Variants in ELP4 observed in about 807,000 individuals in gnomAD.
ELP4 encodes the protein elongator acetyltransferase complex subunit 4, also known as elongator complex protein 4.
ELP4 carries 51 observed loss-of-function variants against 48.9 expected under a neutral mutation model. That is an observed-to-expected ratio of 1.04 (90% CI 0.83 to 1.32). The LOEUF (loss-of-function observed/expected upper bound fraction) is 1.32. Ranked by LOEUF, ELP4 falls within the 40% of genes most tolerant of loss-of-function variation. ELP4 has a pLI of 0.00. For missense variants in ELP4, 519 were observed against 514.6 expected, an observed-to-expected ratio of 1.01 and a Z score of -0.08; for synonymous variants, 210 against 189.2, an observed-to-expected ratio of 1.11 and a Z score of -0.90.
At chr11:31,587,905 A>G (rs1297805414) in intron 3 of ELP4, among the ~76,000 whole-genome samples, 2 of 152,104 alleles carry the variant, frequency 1.3e-5, no homozygotes, top group African/African-American at 2.4e-5. Flanking sequence ...TTCATGTTTT[A>G]TGTATGCACA....
chr11:31,580,417 G>A (rs1369898770), intron 3 of ELP4, among the ~76,000 whole-genome samples: 1 of 152,016 alleles, frequency 6.6e-6, no homozygotes, highest in Non-Finnish European at 1.5e-5. Flanking sequence ...GTTTGGGGTT[G>A]GTGGGTATAC....
chr11:31,523,039 A>T (rs1272192763), intron 2 of ELP4, among the ~76,000 whole-genome samples: 6 of 145,328 alleles, frequency 4.1e-5, no homozygotes, highest in South Asian at 4.4e-4. Flanking sequence ...TTATTTATTA[A>T]TTTTTTTTTT....
chr11:31,754,125 T>A (rs770157863), intron 9 of ELP4, among the ~76,000 whole-genome samples: 24 of 152,178 alleles, frequency 1.6e-4, no homozygotes, highest in Admixed American at 9.2e-4. Context: ...ATTGTGAGCC[T>A]AATCCCCATC....
chr11:31,637,345 G>A (rs1244736345), intron 7 of ELP4: 1 of 151,802 alleles, frequency 6.6e-6, no homozygotes, highest in Non-Finnish European at 1.5e-5. Context: ...TCAAAACTCT[G>A]TTGTTGAATG....
chr11:31,534,647 A>G (rs987728181), intron 2 of ELP4, among the ~76,000 whole-genome samples: 1 of 152,228 alleles, frequency 6.6e-6, no homozygotes, highest in Non-Finnish European at 1.5e-5. Flanking sequence ...AAGTACTGAA[A>G]GGAAATAGAG....
chr11:31,542,892 T>G lies in ELP4; in HGVS notation c.381+3109T>G, dbSNP rs189536866. 3.4e-3 allele frequency among the ~76,000 whole-genome samples: 520 copies of G among 152,320 alleles called. 1 individual carries two copies. Among genetic ancestry groups the G allele is most frequent in the Non-Finnish European group, 4.7e-3 (318 of 68,030 alleles). The stretch of plus-strand genomic sequence containing the variant: ...AACATAAGTTTTATTACAAGTATAT[T>G]ATAAATATTCAGTAAGCTAGAAGGA... On this transcript the variant is annotated intron_variant, in intron 3 of 9. Transcript: ENST00000640961.
rs1947384590 is a variant in ELP4, at chr11:31,738,924, G to GA, written c.1144-44465dup. 7.9e-5 allele frequency among the ~76,000 whole-genome samples: 12 copies of GA among 152,238 alleles called. No individual in the cohort carries two copies. The South Asian group carries it at 2.5e-3, about 32-fold the overall frequency. On this transcript the variant is annotated intron_variant, in intron 9 of 9. Transcript: ENST00000640961. Reference sequence around the variant, plus strand: ...GTGGTAGCCAGAGACTGAAAGGAGGGAAAATGAGGCGTTGCTGTTCAATGA... The same window carrying GA: ...GTGGTAGCCAGAGACTGAAAGGAGGGAAAAATGAGGCGTTGCTGTTCAATGA...
At chr11:31,762,368 G>A (rs954201172) in intron 9 of ELP4, among the ~76,000 whole-genome samples, 6 of 152,002 alleles carry the variant, frequency 3.9e-5, no homozygotes, top group African/African-American at 1.4e-4. Flanking sequence ...CAGGACCAGT[G>A]AACTTTTTAT....
intron 3 of ELP4, among the ~76,000 whole-genome samples, chr11:31,584,561 T>A (rs1957443418): frequency 2.0e-5 from 3 of 152,114 alleles, no homozygotes; most frequent in Admixed American, 2.0e-4. Context: ...ACACTTTTGC[T>A]TTTGTTGCCC....
At chr11:31,689,979 G>A (rs1422531528) in intron 9 of ELP4, among the ~76,000 whole-genome samples, 2 of 152,136 alleles carry the variant, frequency 1.3e-5, no homozygotes, top group Non-Finnish European at 2.9e-5. Context: ...GGAAATGTTG[G>A]TGGTCTGTGA....
chr11:31,642,636 A>G (rs982463150), intron 7 of ELP4, among the ~76,000 whole-genome samples: 1 of 151,870 alleles, frequency 6.6e-6, no homozygotes, highest in Non-Finnish European at 1.5e-5. Flanking sequence ...AATTTACAGA[A>G]GTTCCTCTGT....
intron 1 of ELP4, among the ~76,000 whole-genome samples, chr11:31,518,352 C>T (rs900806632): frequency 2.4e-4 from 37 of 151,978 alleles, no homozygotes; most frequent in African/African-American, 8.0e-4. Flanking sequence ...GTGATCCGCC[C>T]GCCTCAGCCT....
In ELP4 at chr11:31,786,249, A is replaced by T. The variant is rs754228015; in HGVS notation, c.*2725A>T. 4.8e-6 allele frequency: 1 copy of T among 209,472 alleles called. No homozygotes were observed. The highest frequency in any genetic ancestry group is 9.7e-6 in the Non-Finnish European group (1 of 103,068). 13.0% of individuals were successfully genotyped at this position (209,472 alleles called of 1,614,324 possible). A position where few individuals can be genotyped will look rare whatever the true frequency, so the allele number is the denominator to read the frequency against. ...ACAAATCAGACACACATAGGCATAC[A>T]AAAGGAGAGTGGGGGGACCCCCCTA... On this transcript the variant is annotated 3_prime_UTR_variant, in exon 10 of 10. Transcript: ENST00000640961.
chr11:31,760,247 A>G (rs1471616478), intron 9 of ELP4, among the ~76,000 whole-genome samples: 1 of 152,204 alleles, frequency 6.6e-6, no homozygotes, highest in Non-Finnish European at 1.5e-5. Context: ...TTGACTAAGC[A>G]GTATCTCATT....
intron 9 of ELP4, among the ~76,000 whole-genome samples, chr11:31,684,579 G>T (rs1946124281): frequency 6.6e-6 from 1 of 152,132 alleles, no homozygotes; most frequent in African/African-American, 2.4e-5. Flanking sequence ...TTGACACAAG[G>T]ACAGATCATT....
intron 3 of ELP4, among the ~76,000 whole-genome samples, chr11:31,565,927 G>A (rs1303038957): frequency 1.3e-5 from 2 of 152,188 alleles, no homozygotes; most frequent in African/African-American, 4.8e-5. Flanking sequence ...CTGGTAGCTT[G>A]ATGGGGATGG....
chr11:31,610,255 T>C (rs1957953042), intron 5 of ELP4, among the ~76,000 whole-genome samples: 1 of 152,218 alleles, frequency 6.6e-6, no homozygotes, highest in Non-Finnish European at 1.5e-5. Context: ...TAGCTGCTAG[T>C]GATACAATTA....
chr11:31,759,582 A>G (rs1947902182), intron 9 of ELP4, among the ~76,000 whole-genome samples: 1 of 152,234 alleles, frequency 6.6e-6, no homozygotes, highest in South Asian at 2.1e-4. Context: ...ATAAACCTCC[A>G]CAAAGTACAA....
At position 31,736,325 on chromosome 11, in the gene ELP4, T is replaced by A. The variant is rs1276253325; in HGVS notation, c.1144-47068T>A. On this transcript the variant is annotated intron_variant, in intron 9 of 9. Coordinates refer to ENST00000640961, the MANE Select transcript of ELP4 (RefSeq NM_019040.5). Reference sequence around the variant, plus strand: ...CCTTACACCTTATACAAAAATTAATTCAAGCTGGATTAAAGACTTACATGG... The same window carrying A: ...CCTTACACCTTATACAAAAATTAATACAAGCTGGATTAAAGACTTACATGG... Among the ~76,000 whole-genome samples the A allele has an allele frequency of 2.6e-5, 4 of 152,014 alleles. 1 individual carries two copies. The highest frequency in any genetic ancestry group is 7.3e-5 in the African/African-American group (3 of 41,368).
Sources: gnomAD v4.1 joint callset for allele counts (sites outside exome capture counted in the v4.1 genomes callset) on GRCh38, gnomAD v4.1.1 for gene constraint, MANE v1.5 for transcripts, NCBI Gene and HGNC (gene_info 2026-07-23, HGNC 2026-07-21) for gene names.